The following SEMA7A variants were observed in gnomAD, a reference collection of about 807,000 sequenced individuals.
SEMA7A encodes the protein semaphorin 7A (JohnMiltonHagen blood group).
A neutral mutation model predicts 67.5 loss-of-function variants in SEMA7A; 21 were observed. That is an observed-to-expected ratio of 0.31 (90% CI 0.22 to 0.45). The LOEUF is 0.45. SEMA7A is among the 20% of genes least tolerant of loss of function. The pLI is 1.00. For missense variants in SEMA7A, 774 were observed against 908.6 expected, an observed-to-expected ratio of 0.85 and a Z score of 1.90; for synonymous variants, 364 against 368.5, an observed-to-expected ratio of 0.99 and a Z score of 0.14.
chr15:74,419,373 A>G (rs909780625), intron 1 of SEMA7A, among the ~76,000 whole-genome samples: 1 of 152,130 alleles, frequency 6.6e-6, no homozygotes, highest in Non-Finnish European at 1.5e-5. Context: ...AGCCAAAGCA[A>G]GCAGCGCCCC....
At position 74,433,818 on chromosome 15, in the gene SEMA7A, A is replaced by AGCAGCC. The variant is rs759552404; in HGVS notation, c.95_100dup (p.Arg32_Leu33dup). The AGCAGCC allele has an allele frequency of 2.5e-4, 349 of 1,375,766 alleles. 3 individuals carry two copies. The East Asian group carries it at 3.5e-3, about 14-fold the overall frequency. The allele number at this position is 1,375,766 out of a possible 1,614,324, so 85.2% of individuals were successfully genotyped here. A position where few individuals can be genotyped will look rare whatever the true frequency, so the allele number is the denominator to read the frequency against. On this transcript the variant is annotated inframe_insertion, in exon 1 of 14. Coordinates refer to ENST00000261918, the MANE Select transcript of SEMA7A (RefSeq NM_003612.5). ...GGCGGCGGCCGCCCAGAGCAGCAGC[A>AGCAGCC]GCAGCCGCAGCCGCAGCGGAAGCCC...
rs932139125 is a variant in SEMA7A at position 74,411,101 on chromosome 15, C to T, written c.1640-116G>A. ...AGGCTTCTGAATGAACGTGGGGAAC[C>T]CAGCCCTCAGCGTCCTCCTTTTTTC... On this transcript the variant is annotated intron_variant, in intron 13 of 13. Coordinates refer to ENST00000261918, the MANE Select transcript of SEMA7A (RefSeq NM_003612.5). The surrounding 1 kb of genome is among the most constrained non-coding windows in gnomAD (Gnocchi z 4.4). The T allele has an allele frequency of 8.2e-6, 12 of 1,470,650 alleles. No individual in the cohort carries two copies. In the African/African-American group the frequency reaches 1.7e-4, roughly 21 times the overall value. 91.1% of individuals were successfully genotyped at this position (1,470,650 alleles called of 1,614,324 possible). A position where few individuals can be genotyped will look rare whatever the true frequency, so the allele number is the denominator to read the frequency against.
intron 1 of SEMA7A, among the ~76,000 whole-genome samples, chr15:74,431,234 T>C (rs980856122): frequency 6.6e-6 from 1 of 152,186 alleles, no homozygotes; most frequent in Non-Finnish European, 1.5e-5. Flanking sequence ...CTACAGCCTT[T>C]CTTGCTCTGG....
chr15:74,426,148 G>A (rs551626655), intron 1 of SEMA7A, among the ~76,000 whole-genome samples: 7 of 152,260 alleles, frequency 4.6e-5, no homozygotes, highest in East Asian at 1.9e-4. Flanking sequence ...GGTGGTGTGC[G>A]CCTGTACTCC....
intron 10 of SEMA7A, 134 bp from the exon 11 acceptor site, chr15:74,412,146 G>C: frequency 9.5e-7 from 1 of 1,054,470 alleles, no homozygotes; most frequent in Non-Finnish European, 1.4e-6. Context: ...AGGGCGAGGA[G>C]AGCGTGACTG....
Position 74,417,975 on chromosome 15 carries a change from C to T in SEMA7A, c.373-6G>A, listed in dbSNP as rs985197642. On this transcript the variant is annotated splice_polypyrimidine_tract_variant and splice_region_variant and intron_variant, in intron 3 of 13. Coordinates refer to ENST00000261918, the MANE Select transcript of SEMA7A (RefSeq NM_003612.5). The stretch of plus-strand genomic sequence containing the variant: ...GTGATGTAGTTCTCGCAGTCCTGCC[C>T]GGGGAAGAGAGAAGGGAGGAGAGAA... The T allele has an allele frequency of 1.2e-6, 2 of 1,612,422 alleles. No homozygotes were observed. The highest frequency in any genetic ancestry group is 1.7e-6 in the Non-Finnish European group (2 of 1,179,832).
chr15:74,411,328 C>A lies in SEMA7A; in HGVS notation c.1606G>T (p.Glu536Ter). The A allele has an allele frequency of 6.2e-7, 1 of 1,614,048 alleles. No homozygotes were observed. Among genetic ancestry groups the A allele is most frequent in the Non-Finnish European group, 8.5e-7 (1 of 1,179,990 alleles). ...RSVLQSINPAEPHKECPNPKP... is the reference protein window; with the variant it reads ...RSVLQSINPA Reference sequence around the variant, plus strand: ...GGGTTGGGACACTCCTTGTGTGGCTCGGCTGGATTAATGGATTGCAGCACT... The same window carrying A: ...GGGTTGGGACACTCCTTGTGTGGCTAGGCTGGATTAATGGATTGCAGCACT... The change falls in exon 13 of 14, where the codon GAG (glutamate) becomes TAG (stop). Residue 536 changes from glutamate to a stop codon, truncating the protein, a stop_gained. Transcript: ENST00000261918. LOFTEE classifies it low-confidence loss of function (END_TRUNC). The surrounding 1 kb of genome is among the most constrained non-coding windows in gnomAD (Gnocchi z 4.4).
At chr15:74,433,063 C>T (rs1340341472) in intron 1 of SEMA7A, among the ~76,000 whole-genome samples, 3 of 152,192 alleles carry the variant, frequency 2.0e-5, no homozygotes, top group African/African-American at 7.2e-5. Context: ...GAGCCGATTT[C>T]TGGTGACAAC....
intron 1 of SEMA7A, chr15:74,427,390 A>G (rs2061052183): frequency 1.0e-6 from 1 of 985,340 alleles, no homozygotes; most frequent in Admixed American, 6.1e-5. Flanking sequence ...AATGGAGTGC[A>G]GAAGTCATCA....
chr15:74,418,109 G>A (rs2060968128), intron 3 of SEMA7A, 140 bp from the exon 4 acceptor site: 1 of 1,160,700 alleles, frequency 8.6e-7, no homozygotes, highest in Non-Finnish European at 1.3e-6. Context: ...ACAGCCCAGA[G>A]TGTGTGCAGC....
intron 7 of SEMA7A, among the ~76,000 whole-genome samples, chr15:74,416,210 G>A (rs541634241): frequency 3.9e-5 from 6 of 152,232 alleles, no homozygotes; most frequent in Middle Eastern, 3.4e-3. Flanking sequence ...GCAGTGCCCA[G>A]GGTCAGGGCA....
intron 1 of SEMA7A, among the ~76,000 whole-genome samples, chr15:74,421,323 GA>G (rs1158356131): frequency 6.6e-6 from 1 of 152,200 alleles, no homozygotes; most frequent in Non-Finnish European, 1.5e-5. Context: ...AGTATCTGCT[GA>G]AGACATGAAG....
In SEMA7A at chr15:74,411,105, C is replaced by G; in HGVS notation, c.1640-120G>C. 1 of 1,438,574 alleles carries G rather than the reference C, an allele frequency of 7.0e-7. No homozygotes were observed. The highest frequency in any genetic ancestry group is 9.3e-7 in the Non-Finnish European group (1 of 1,073,214). 89.1% of individuals were successfully genotyped at this position (1,438,574 alleles called of 1,614,324 possible). A position where few individuals can be genotyped will look rare whatever the true frequency, so the allele number is the denominator to read the frequency against. ...TTCTGAATGAACGTGGGGAACCCAG[C>G]CCTCAGCGTCCTCCTTTTTTCTCCC... On this transcript the variant is annotated intron_variant, in intron 13 of 13. Transcript: ENST00000261918. The surrounding 1 kb of genome is among the most constrained non-coding windows in gnomAD (Gnocchi z 4.4).
Position 74,411,034 on chromosome 15 carries a change from A to G in SEMA7A, c.1640-49T>C, listed in dbSNP as rs1217155739. The G allele has an allele frequency of 2.5e-6, 4 of 1,575,534 alleles. No individual in the cohort carries two copies. Among genetic ancestry groups the G allele is most frequent in the Non-Finnish European group, 3.4e-6 (4 of 1,160,920 alleles). ...CCGTGAGGAGGGACAAAGAGCTCCC[A>G]GGGGAGGATGTGTCCTCCCCACGGA... On this transcript the variant is annotated intron_variant, in intron 13 of 13. Coordinates refer to ENST00000261918, the MANE Select transcript of SEMA7A (RefSeq NM_003612.5). The surrounding 1 kb of genome is among the most constrained non-coding windows in gnomAD (Gnocchi z 4.4).
intron 1 of SEMA7A, among the ~76,000 whole-genome samples, chr15:74,430,077 T>C (rs1407902644): frequency 6.6e-6 from 1 of 152,130 alleles, no homozygotes; most frequent in Non-Finnish European, 1.5e-5. Context: ...AATCATCTTG[T>C]TCCTCATCAC....
intron 1 of SEMA7A, among the ~76,000 whole-genome samples, chr15:74,432,126 G>A (rs1262240728): frequency 6.6e-6 from 1 of 151,992 alleles, no homozygotes; most frequent in Non-Finnish European, 1.5e-5. Flanking sequence ...AAGACTTTGG[G>A]ACAGGCAAAC....
chr15:74,417,773 C>A (rs1483668182), intron 4 of SEMA7A, 98 bp from the exon 5 acceptor site: 3 of 1,545,760 alleles, frequency 1.9e-6, no homozygotes, highest in East Asian at 2.3e-5. Context: ...CCTCCCAGGG[C>A]AAGGCCAGCA....
rs2060889792 is a variant in SEMA7A at position 74,410,533 on chromosome 15, C to G, written c.*91G>C. 1 of 1,492,728 alleles carries G rather than the reference C, an allele frequency of 6.7e-7. No homozygotes were observed. The highest frequency in any genetic ancestry group is 9.0e-7 in the Non-Finnish European group (1 of 1,114,408). 92.5% of individuals were successfully genotyped at this position (1,492,728 alleles called of 1,614,324 possible). A position where few individuals can be genotyped will look rare whatever the true frequency, so the allele number is the denominator to read the frequency against. On this transcript the variant is annotated 3_prime_UTR_variant, in exon 14 of 14. Transcript: ENST00000261918. The surrounding 1 kb of genome is among the most constrained non-coding windows in gnomAD (Gnocchi z 7.5). The stretch of plus-strand genomic sequence containing the variant: ...TCTGTCCCCTGGAAGAAGTGGCAGG[C>G]AAGGAGCTCCCGGGCCAGCCGGCTC...
intron 1 of SEMA7A, among the ~76,000 whole-genome samples, chr15:74,428,858 A>G (rs1390674870): frequency 2.6e-5 from 4 of 152,170 alleles, no homozygotes; most frequent in African/African-American, 9.7e-5. Flanking sequence ...CGGGGCAGAG[A>G]GGGGACAGTC....
Sources: allele counts gnomAD v4.1 joint callset (sites outside exome capture counted in the v4.1 genomes callset), GRCh38; gene constraint gnomAD v4.1.1; non-coding constraint Gnocchi (gnomAD v3.1); transcripts MANE v1.5; gene names NCBI Gene and HGNC (gene_info 2026-07-23, HGNC 2026-07-21).